Variants in LOC128092252 observed in about 807,000 individuals in gnomAD.
At chr15:50,684,422 C>G in the LOC128092252 span, among the ~76,000 whole-genome samples, 22 of 152,240 alleles carry the variant, frequency 1.4e-4, no homozygotes, top group Non-Finnish European at 2.8e-4. Flanking sequence ...AGCCAGATCA[C>G]TGGACATCAG....
At chr15:50,664,235 G>A in the LOC128092252 span, among the ~76,000 whole-genome samples, 2 of 150,180 alleles carry the variant, frequency 1.3e-5, no homozygotes, top group South Asian at 4.2e-4. Flanking sequence ...GAGTGAACCA[G>A]GGAGTCGGAG....
At chr15:50,660,735 G>A in the LOC128092252 span, among the ~76,000 whole-genome samples, 3 of 152,140 alleles carry the variant, frequency 2.0e-5, no homozygotes, top group African/African-American at 4.8e-5. Context: ...CTCAGTAAAG[G>A]AGACAATCTC....
chr15:50,686,439 C>T, the LOC128092252 span: 1 of 1,601,512 alleles, frequency 6.2e-7, no homozygotes, highest in Non-Finnish European at 8.6e-7. Flanking sequence ...CCGCATGGAA[C>T]GCGGCTCCCC....
chr15:50,678,807 A>G, the LOC128092252 span, among the ~76,000 whole-genome samples: 1 of 152,138 alleles, frequency 6.6e-6, no homozygotes, highest in Admixed American at 6.6e-5. Flanking sequence ...AGGCAAGAGG[A>G]CCACTTAAGC....
the LOC128092252 span, among the ~76,000 whole-genome samples, chr15:50,671,873 G>C: frequency 4.6e-5 from 7 of 152,010 alleles, no homozygotes; most frequent in Non-Finnish European, 1.0e-4. Flanking sequence ...GGACTACTTG[G>C]GTATTTGTTT....
chr15:50,657,049 C>A, the LOC128092252 span, among the ~76,000 whole-genome samples: 1 of 152,164 alleles, frequency 6.6e-6, no homozygotes, highest in African/African-American at 2.4e-5. Flanking sequence ...ATCAGCCGGG[C>A]CTGGTGGCTC....
At chr15:50,672,887 A>T in the LOC128092252 span, among the ~76,000 whole-genome samples, 1 of 122,780 alleles carries the variant, frequency 8.1e-6, no homozygotes, top group Non-Finnish European at 1.6e-5. Context: ...TGACAGAGTG[A>T]GACTCTGTCT....
chr15:50,662,913 A>G, the LOC128092252 span: 2 of 1,270,294 alleles, frequency 1.6e-6, no homozygotes, highest in South Asian at 1.3e-5. Context: ...AAATAACAAT[A>G]TAATTTACAC....
At chr15:50,665,582 A>G in the LOC128092252 span, among the ~76,000 whole-genome samples, 62 of 152,338 alleles carry the variant, frequency 4.1e-4, no homozygotes, top group African/African-American at 1.4e-3. Flanking sequence ...TCATAATTAA[A>G]AATTTTAAAT....
chr15:50,651,472 C>T, the LOC128092252 span, among the ~76,000 whole-genome samples: 18 of 151,546 alleles, frequency 1.2e-4, no homozygotes, highest in East Asian at 3.9e-4. Context: ...AGTGAAACCC[C>T]GTCTGTAATA....
At chr15:50,684,596 G>A in the LOC128092252 span, among the ~76,000 whole-genome samples, 1 of 151,664 alleles carries the variant, frequency 6.6e-6, no homozygotes, top group African/African-American at 2.4e-5. Context: ...AGCCGAGATC[G>A]CTACACTGCA....
the LOC128092252 span, among the ~76,000 whole-genome samples, chr15:50,664,308 CAAAAA>C: frequency 1.7e-5 from 1 of 58,926 alleles, no homozygotes; most frequent in Non-Finnish European, 3.5e-5. Flanking sequence ...GACTCCGTCT[CAAAAA>C]AAAAAAAAAA....
chr15:50,665,756 A>G, the LOC128092252 span, among the ~76,000 whole-genome samples: 1 of 152,166 alleles, frequency 6.6e-6, no homozygotes, highest in Admixed American at 6.6e-5. Flanking sequence ...GCACTTTGGG[A>G]GGCCGAGGTG....
At chr15:50,669,034 T>C in the LOC128092252 span, among the ~76,000 whole-genome samples, 2 of 152,158 alleles carry the variant, frequency 1.3e-5, no homozygotes, top group African/African-American at 4.8e-5. Flanking sequence ...AAGTTAAGAA[T>C]GTCACTTTTT....
chr15:50,666,467 AG>A, the LOC128092252 span, among the ~76,000 whole-genome samples: 15 of 151,822 alleles, frequency 9.9e-5, no homozygotes, highest in Middle Eastern at 3.4e-3. Context: ...AAAGAAGAGG[AG>A]GAAGAGGAAG....
chr15:50,653,155 C>A, the LOC128092252 span, among the ~76,000 whole-genome samples: 1 of 151,858 alleles, frequency 6.6e-6, no homozygotes, highest in Non-Finnish European at 1.5e-5. Flanking sequence ...CCACTCCCCC[C>A]AAAAAGAAAA....
At chr15:50,654,628 T>C in the LOC128092252 span, among the ~76,000 whole-genome samples, 1 of 151,340 alleles carries the variant, frequency 6.6e-6, no homozygotes, top group African/African-American at 2.4e-5. Context: ...ATGGTGCATC[T>C]CAGCAGTAAA....
At chr15:50,681,325 C>A in the LOC128092252 span, among the ~76,000 whole-genome samples, 614 of 150,722 alleles carry the variant, frequency 4.1e-3, 5 homozygotes, top group African/African-American at 0.014. Flanking sequence ...CAGCTAAATG[C>A]CGACACATTA....
the LOC128092252 span, among the ~76,000 whole-genome samples, chr15:50,680,127 G>A: frequency 6.6e-6 from 1 of 151,956 alleles, no homozygotes; most frequent in Non-Finnish European, 1.5e-5. Context: ...CTAGCTACTC[G>A]GGAGGCTGAC....
Sources: gnomAD v4.1 joint callset for allele counts (sites outside exome capture counted in the v4.1 genomes callset) on GRCh38, gnomAD v4.1.1 for gene constraint, MANE v1.5 for transcripts.